The following MADD variants were observed in gnomAD, a reference collection of about 807,000 sequenced individuals.
The protein encoded by MADD is MAP kinase activating death domain.
MADD carries 109 observed loss-of-function variants against 176.7 expected under a neutral mutation model. The ratio of observed to expected loss-of-function variants is 0.62; its 90% CI spans 0.53 to 0.72. The LOEUF is 0.72. MADD is among the 30% of genes least tolerant of loss of function. The pLI is 0.00. For missense variants in MADD, 1,914 were observed against 2,045.5 expected (o/e 0.94, Z 1.24); for synonymous variants, 771 against 771.3 (o/e 1.00, Z 0.01).
chr11:47,269,462 A>C (rs925578272), upstream of MADD: 1 of 152,446 alleles, frequency 6.6e-6, no homozygotes, highest in East Asian at 1.9e-4. Flanking sequence ...AAAAGGCACA[A>C]CCTGAAAGAC....
At chr11:47,277,689 G>A (rs1329646283) in intron 5 of MADD, among the ~76,000 whole-genome samples, 1 of 152,130 alleles carries the variant, frequency 6.6e-6, no homozygotes, top group Middle Eastern at 3.2e-3. Context: ...TAAAATAAGG[G>A]TTACTTGAAC....
chr11:47,324,554 A>G, exon 30 of MADD: 1 of 1,613,692 alleles, frequency 6.2e-7, no homozygotes, highest in Non-Finnish European at 8.5e-7. Context: ...GGAAGGGATC[A>G]ACCTCAAATT....
chr11:47,303,132 C>G (rs2079254686), intron 22 of MADD, among the ~76,000 whole-genome samples: 1 of 151,414 alleles, frequency 6.6e-6, no homozygotes, highest in South Asian at 2.1e-4. Flanking sequence ...TCTTGCAGCG[C>G]TTTGAATATA....
At chr11:47,307,024 C>T (rs1002695835) in intron 22 of MADD, among the ~76,000 whole-genome samples, 1 of 152,082 alleles carries the variant, frequency 6.6e-6, no homozygotes. Context: ...ACCTCAGCCT[C>T]CCAAGTAGCT....
chr11:47,328,558 G>A, intron 31 of MADD, 100 bp from the exon 36 acceptor site: 3 of 1,571,584 alleles, frequency 1.9e-6, no homozygotes, highest in Non-Finnish European at 2.6e-6. Flanking sequence ...CCACAGAGGG[G>A]AAGGGGACCC....
At chr11:47,309,935 C>T (rs1227959124) in intron 25 of MADD, among the ~76,000 whole-genome samples, 2 of 151,440 alleles carry the variant, frequency 1.3e-5, no homozygotes, top group African/African-American at 2.4e-5. Flanking sequence ...TCTGCCTCCC[C>T]AGTTCAAGTG....
chr11:47,294,613 C>T (rs1401250280), intron 20 of MADD, among the ~76,000 whole-genome samples: 21 of 131,684 alleles, frequency 1.6e-4, no homozygotes, highest in African/African-American at 4.7e-4. Flanking sequence ...GAGGTTGCAG[C>T]GAGCTGAGAT....
At chr11:47,295,948 A>G in exon 22 of MADD, 2 of 1,614,108 alleles carry the variant, frequency 1.2e-6, no homozygotes, top group South Asian at 2.2e-5. Flanking sequence ...CTTGAGCAGC[A>G]ATGCAGGTGA....
intron 26 of MADD, among the ~76,000 whole-genome samples, chr11:47,313,740 C>T (rs745371302): frequency 4.0e-5 from 6 of 151,856 alleles, no homozygotes; most frequent in Non-Finnish European, 5.9e-5. Context: ...GTCTGGGGAA[C>T]ATAGACCCCA....
chr11:47,279,751 T>C (rs2054591210), intron 7 of MADD, among the ~76,000 whole-genome samples: 1 of 151,804 alleles, frequency 6.6e-6, no homozygotes, highest in Non-Finnish European at 1.5e-5. Flanking sequence ...TCTTCTAGAG[T>C]TGATCCTGAG....
intron 27 of MADD, among the ~76,000 whole-genome samples, chr11:47,319,512 C>T (rs1022057687): frequency 6.6e-5 from 10 of 151,982 alleles, no homozygotes; most frequent in Non-Finnish European, 1.5e-4. Context: ...TGTTTCAAAC[C>T]GTGCCAAAGT....
chr11:47,327,085 G>C, intron 31 of MADD: 1 of 1,163,050 alleles, frequency 8.6e-7, no homozygotes, highest in Non-Finnish European at 1.1e-6. Flanking sequence ...CCACCTCCCC[G>C]TGCTGGGCCA....
intron 6 of MADD, 146 bp from the exon 7 acceptor site, chr11:47,278,853 G>C: frequency 3.4e-6 from 2 of 594,604 alleles, no homozygotes; most frequent in Non-Finnish European, 6.0e-6. Flanking sequence ...ATATATGTGT[G>C]TACATATATC....
At chr11:47,273,400 G>A (rs1436546184) in intron 1 of MADD, among the ~76,000 whole-genome samples, 1 of 151,990 alleles carries the variant, frequency 6.6e-6, no homozygotes, top group East Asian at 1.9e-4. Context: ...GTGCAGTGGT[G>A]CGATCTCAGC....
chr11:47,273,392 G>A (rs1338757447), intron 1 of MADD, among the ~76,000 whole-genome samples: 1 of 151,838 alleles, frequency 6.6e-6, no homozygotes, highest in Non-Finnish European at 1.5e-5. Flanking sequence ...AGGCTCGAGT[G>A]CAGTGGTGCG....
chr11:47,297,105 C>T (rs2073112331), intron 22 of MADD, among the ~76,000 whole-genome samples: 1 of 152,190 alleles, frequency 6.6e-6, no homozygotes, highest in Non-Finnish European at 1.5e-5. Context: ...TGTGTTAAAA[C>T]ACTGATAGAC....
chr11:47,294,669 CAAAAAAA>C (rs58253961), intron 20 of MADD, among the ~76,000 whole-genome samples: 1 of 56,032 alleles, frequency 1.8e-5, no homozygotes, highest in African/African-American at 7.0e-5. Flanking sequence ...GACTCCGTCT[CAAAAAAA>C]AAAAAAAAAA....
intron 26 of MADD, 151 bp downstream of exon 29, chr11:47,311,993 C>T (rs1405201091): frequency 1.7e-6 from 1 of 595,308 alleles, no homozygotes; most frequent in African/African-American, 1.9e-5. Context: ...ATGGGATTCT[C>T]TGTATAAAAC....
chr11:47,314,395 A>C (rs2091881083), intron 26 of MADD, among the ~76,000 whole-genome samples: 2 of 152,186 alleles, frequency 1.3e-5, no homozygotes, highest in African/African-American at 4.8e-5. Flanking sequence ...TTAATGTAAC[A>C]ATGTAAAATG....
Sources: gnomAD v4.1 joint callset for allele counts (sites outside exome capture counted in the v4.1 genomes callset) on GRCh38, gnomAD v4.1.1 for gene constraint, MANE v1.5 for transcripts, NCBI Gene and HGNC (gene_info 2026-07-23, HGNC 2026-07-21) for gene names.